HERC3: variants seen among roughly 807,000 people sequenced by gnomAD.
HERC3 encodes probable E3 ubiquitin-protein ligase HERC3.
In HERC3, 58 loss-of-function variants were observed where a neutral mutation model predicts 129.9. That is an observed-to-expected ratio of 0.45 (90% confidence interval 0.36 to 0.56). The LOEUF is 0.56. Among genes scored for constraint, HERC3 ranks in the 20% least tolerant of loss-of-function variants. The probability of loss-of-function intolerance (pLI) is 0.00; values close to 1 mark genes in which losing one functional copy is unlikely to be tolerated. For synonymous variants in HERC3, 430 were observed against 451.0 expected, an observed-to-expected ratio of 0.95 and a Z score of 0.59; for missense variants, 835 against 1,244.2, an observed-to-expected ratio of 0.67 and a Z score of 4.95.
At chr4:88,598,934 C>T (rs1722688570) in intron 2 of HERC3, among the ~76,000 whole-genome samples, 1 of 152,108 alleles carries the variant, frequency 6.6e-6, no homozygotes, top group South Asian at 2.1e-4. Flanking sequence ...GGAAATGCAG[C>T]CAAGCGGGGC....
intron 23 of HERC3, chr4:88,690,036 AAGCCACCC>A (rs1237985728): frequency 1.0e-6 from 1 of 985,236 alleles, no homozygotes; most frequent in Non-Finnish European, 1.2e-6. Context: ...AATGATGCAG[AAGCCACCC>A]AGACACCCAA....
intron 22 of HERC3, 79 bp from the exon 23 acceptor site, chr4:88,687,138 C>T: frequency 9.6e-7 from 1 of 1,039,514 alleles, no homozygotes; most frequent in Non-Finnish European, 1.5e-6. Flanking sequence ...GTTCCTAAAG[C>T]CTCTCTCAGT....
chr4:88,623,768 G>C (rs1725799334), intron 3 of HERC3, among the ~76,000 whole-genome samples: 1 of 152,096 alleles, frequency 6.6e-6, no homozygotes, highest in Non-Finnish European at 1.5e-5. Flanking sequence ...ATTTTTTGGT[G>C]TGTATGTGCT....
At chr4:88,647,888 T>A (rs1728870835) in intron 3 of HERC3, among the ~76,000 whole-genome samples, 1 of 151,786 alleles carries the variant, frequency 6.6e-6, no homozygotes, top group Non-Finnish European at 1.5e-5. Flanking sequence ...TTTTCAATAT[T>A]GGACATAATC....
the HERC3 span, chr4:88,527,626 T>C: frequency 3.8e-6 from 1 of 260,030 alleles, no homozygotes; most frequent in Non-Finnish European, 7.4e-6. Flanking sequence ...CCACAACAGT[T>C]TGGGAGTGCT....
chr4:88,555,160 G>T, the HERC3 span, among the ~76,000 whole-genome samples: 20 of 151,990 alleles, frequency 1.3e-4, no homozygotes, highest in Non-Finnish European at 2.4e-4. Flanking sequence ...GGTGGTGCCT[G>T]TAGTCCCAGC....
intron 12 of HERC3, among the ~76,000 whole-genome samples, chr4:88,666,254 A>T (rs997683486): frequency 6.6e-6 from 1 of 152,096 alleles, no homozygotes; most frequent in South Asian, 2.1e-4. Context: ...CAGAAAGTCT[A>T]CTCCTGTAGC....
intron 16 of HERC3, among the ~76,000 whole-genome samples, chr4:88,674,084 C>T (rs1030530753): frequency 6.6e-6 from 1 of 152,176 alleles, no homozygotes; most frequent in South Asian, 2.1e-4. Flanking sequence ...TAACTCCTCC[C>T]CTTCTCCAGT....
In HERC3 at chr4:88,669,910, C is replaced by G. The variant is rs751775840; in HGVS notation, c.1684C>G (p.Leu562Val). ...GAAATATTTCATGAAGCTGGTAAACCTCTATAAAGGTGCAGTCCTTTATCT... is the reference window on the plus strand; with the variant it reads ...GAAATATTTCATGAAGCTGGTAAACGTCTATAAAGGTGCAGTCCTTTATCT... ...CPKYFMKLVNLYKGAVLYLLR... is the reference protein window; with the variant it reads ...CPKYFMKLVNVYKGAVLYLLR... The change falls in exon 15 of 26, where the codon CTC becomes GTC. Residue 562 changes from leucine to valine, a missense_variant. Coordinates refer to ENST00000402738, the MANE Select transcript of HERC3 (RefSeq NM_014606.3). 42 of 1,613,262 alleles carry G rather than the reference C, an allele frequency of 2.6e-5. No individual in the cohort carries two copies. The highest frequency in any genetic ancestry group is 2.9e-5 in the Non-Finnish European group (34 of 1,179,466).
chr4:88,688,354 A>G (rs1294069312), intron 23 of HERC3, among the ~76,000 whole-genome samples: 1 of 152,138 alleles, frequency 6.6e-6, no homozygotes, highest in Admixed American at 6.5e-5. Flanking sequence ...ATTGGTTTCT[A>G]TTTTAGAAAG....
intron 3 of HERC3, among the ~76,000 whole-genome samples, chr4:88,612,987 T>C (rs1034341998): frequency 6.6e-6 from 1 of 152,194 alleles, no homozygotes; most frequent in Admixed American, 6.5e-5. Flanking sequence ...CCTAGCCACA[T>C]TGTAAACAGT....
At chr4:88,557,874 T>A in the HERC3 span, among the ~76,000 whole-genome samples, 2 of 151,776 alleles carry the variant, frequency 1.3e-5, no homozygotes, top group African/African-American at 4.8e-5. Flanking sequence ...CTGACCAACA[T>A]GGAGAAAAAT....
intron 16 of HERC3, among the ~76,000 whole-genome samples, chr4:88,670,456 T>TA (rs1394671881): frequency 6.6e-6 from 1 of 152,178 alleles, no homozygotes; most frequent in African/African-American, 2.4e-5. Flanking sequence ...CCCAGAATGT[T>TA]ACACATTTTA....
intron 23 of HERC3, among the ~76,000 whole-genome samples, chr4:88,700,078 A>G (rs1435077728): frequency 7.3e-6 from 1 of 137,664 alleles, no homozygotes; most frequent in Non-Finnish European, 1.5e-5. Context: ...GAATGTAGCC[A>G]TTTGAGCCTG....
intron 16 of HERC3, among the ~76,000 whole-genome samples, chr4:88,672,855 C>A (rs1731760347): frequency 6.7e-6 from 1 of 150,190 alleles, no homozygotes; most frequent in Non-Finnish European, 1.5e-5. Context: ...TTCTTGAGTA[C>A]CTAATGTGTG....
In HERC3 at chr4:88,697,101, A is replaced by G. The variant is rs752716298; in HGVS notation, c.2658-6997A>G. The G allele has an allele frequency of 5.6e-6, 6 of 1,077,930 alleles. No homozygotes were observed. The Admixed American group carries it at 1.1e-4, about 20-fold the overall frequency. The allele number at this position is 1,077,930 out of a possible 1,614,324, so 66.8% of individuals were successfully genotyped here. A position where few individuals can be genotyped will look rare whatever the true frequency, so the allele number is the denominator to read the frequency against. Reference sequence around the variant, plus strand: ...GAATGTCAGAATAAATTCACATTGTATTTTGGTCAAAAACCTGAGCCTTTT... The same window carrying G: ...GAATGTCAGAATAAATTCACATTGTGTTTTGGTCAAAAACCTGAGCCTTTT... On this transcript the variant is annotated intron_variant, in intron 23 of 25. Coordinates refer to ENST00000402738, the MANE Select transcript of HERC3 (RefSeq NM_014606.3).
chr4:88,641,730 A>G (rs1224911239), intron 3 of HERC3, among the ~76,000 whole-genome samples: 1 of 152,194 alleles, frequency 6.6e-6, no homozygotes, highest in African/African-American at 2.4e-5. Flanking sequence ...TTCCAAAACC[A>G]CAAACTGTCA....
At chr4:88,700,156 ATTTT>A (rs1157845337) in intron 23 of HERC3, among the ~76,000 whole-genome samples, 4 of 151,324 alleles carry the variant, frequency 2.6e-5, no homozygotes, top group Admixed American at 6.6e-5. Context: ...TAGTAAATTT[ATTTT>A]TTATTATTTT....
chr4:88,588,465 G>C (rs1047961250), upstream of HERC3, among the ~76,000 whole-genome samples: 1 of 152,138 alleles, frequency 6.6e-6, no homozygotes, highest in Non-Finnish European at 1.5e-5. Context: ...TTTGGACGTG[G>C]GGGACCAAGA....
Sources: gnomAD v4.1 joint callset for allele counts (sites outside exome capture counted in the v4.1 genomes callset) on GRCh38, gnomAD v4.1.1 for gene constraint, MANE v1.5 for transcripts, NCBI Gene and HGNC (gene_info 2026-07-23, HGNC 2026-07-21) for gene names.